The following EPB41L4B variants were observed in gnomAD, a reference collection of about 807,000 sequenced individuals.
The protein encoded by EPB41L4B is erythrocyte membrane protein band 4.1 like 4B.
A neutral mutation model predicts 112.5 loss-of-function variants in EPB41L4B; 30 were observed. That is an observed-to-expected ratio of 0.27 (90% CI 0.20 to 0.36). EPB41L4B has a LOEUF of 0.36. Among genes scored for constraint, EPB41L4B ranks in the 10% least tolerant of loss-of-function variants. The pLI is 1.00. For synonymous variants in EPB41L4B, 408 were observed against 439.7 expected (o/e 0.93, Z 0.90); for missense variants, 1,024 against 1,133.3 (o/e 0.90, Z 1.38).
chr9:109,293,975 A>C (rs186560865), intron 1 of EPB41L4B, among the ~76,000 whole-genome samples: 2 of 152,242 alleles, frequency 1.3e-5, no homozygotes, highest in African/African-American at 4.8e-5. Flanking sequence ...AGATAATTGC[A>C]CTAAACCCAT....
At chr9:109,311,444 G>A (rs1476491558) in intron 1 of EPB41L4B, among the ~76,000 whole-genome samples, 2 of 152,104 alleles carry the variant, frequency 1.3e-5, no homozygotes. Flanking sequence ...ACAGCTGCAG[G>A]GTAGACCATT....
intron 25 of EPB41L4B, among the ~76,000 whole-genome samples, chr9:109,174,968 G>A (rs922097401): frequency 4.4e-5 from 6 of 136,128 alleles, no homozygotes; most frequent in Non-Finnish European, 6.1e-5. Flanking sequence ...CCAGGCTGGA[G>A]TACAGTGGCG....
chr9:109,287,691 T>G lies in EPB41L4B; in HGVS notation c.307-7770A>C, dbSNP rs374320348. 5.3e-4 allele frequency among the ~76,000 whole-genome samples: 81 copies of G among 152,248 alleles called. 3 individuals are homozygous for G. In the South Asian group the frequency reaches 0.016, roughly 30 times the overall value. Reference sequence around the variant, plus strand: ...TACTGTTACCCCGGGTGGATTACAGTGGTGTCATCATGGCTAACACCAGCC... The same window carrying G: ...TACTGTTACCCCGGGTGGATTACAGGGGTGTCATCATGGCTAACACCAGCC... On this transcript the variant is annotated intron_variant, in intron 1 of 25. Coordinates refer to ENST00000374566, the MANE Select transcript of EPB41L4B (RefSeq NM_019114.5).
intron 1 of EPB41L4B, among the ~76,000 whole-genome samples, chr9:109,304,403 C>G (rs1008592416): frequency 6.6e-6 from 1 of 152,152 alleles, no homozygotes; most frequent in African/African-American, 2.4e-5. Context: ...GAGCTTTAAG[C>G]GCACAATCAA....
intron 1 of EPB41L4B, among the ~76,000 whole-genome samples, chr9:109,316,465 A>G (rs1265026078): frequency 6.6e-6 from 1 of 152,244 alleles, no homozygotes; most frequent in African/African-American, 2.4e-5. Context: ...TGCCAAGCAC[A>G]CTAATGGGAT....
intron 12 of EPB41L4B, among the ~76,000 whole-genome samples, chr9:109,251,932 G>C (rs1319549844): frequency 6.6e-6 from 1 of 152,266 alleles, no homozygotes; most frequent in Non-Finnish European, 1.5e-5. Flanking sequence ...AGAGCCCTGG[G>C]AATGAGGTAC....
intron 19 of EPB41L4B, among the ~76,000 whole-genome samples, chr9:109,202,688 G>T (rs969683058): frequency 6.6e-6 from 1 of 152,168 alleles, no homozygotes; most frequent in African/African-American, 2.4e-5. Flanking sequence ...GGTGGTGGTG[G>T]CCTGGAAGCT....
chr9:109,306,162 CA>C (rs1241749048), intron 1 of EPB41L4B, among the ~76,000 whole-genome samples: 1 of 152,092 alleles, frequency 6.6e-6, no homozygotes, highest in East Asian at 1.9e-4. Context: ...TTAGAACACC[CA>C]AAATTCTCTC....
intron 1 of EPB41L4B, among the ~76,000 whole-genome samples, chr9:109,305,082 T>C (rs370047242): frequency 1.3e-5 from 2 of 152,114 alleles, no homozygotes; most frequent in South Asian, 4.2e-4. Context: ...ATGCCATCTA[T>C]TGCTTGAATT....
chr9:109,176,463 T>C, intron 25 of EPB41L4B, 88 bp downstream of exon 25: 6 of 1,401,828 alleles, frequency 4.3e-6, no homozygotes, highest in Non-Finnish European at 5.8e-6. Context: ...AGGAAAGGCC[T>C]GTACGTGTCA....
intron 13 of EPB41L4B, among the ~76,000 whole-genome samples, chr9:109,248,747 T>C (rs1483948488): frequency 6.6e-6 from 1 of 151,994 alleles, no homozygotes; most frequent in Non-Finnish European, 1.5e-5. Flanking sequence ...GCTTGGCTGA[T>C]GAGATCTTAA....
chr9:109,285,194 A>G (rs931783476), intron 1 of EPB41L4B, among the ~76,000 whole-genome samples: 3 of 152,230 alleles, frequency 2.0e-5, no homozygotes, highest in Non-Finnish European at 4.4e-5. Context: ...ATCCCATCAC[A>G]CAGAGTATTA....
chr9:109,212,636 A>G (rs916319353), intron 17 of EPB41L4B, among the ~76,000 whole-genome samples: 5 of 152,194 alleles, frequency 3.3e-5, no homozygotes, highest in Non-Finnish European at 7.3e-5. Flanking sequence ...AGTTCTTCCA[A>G]ATTCTTCCTA....
intron 2 of EPB41L4B, among the ~76,000 whole-genome samples, chr9:109,276,369 C>G (rs560377354): frequency 6.6e-6 from 1 of 151,976 alleles, no homozygotes; most frequent in South Asian, 2.1e-4. Context: ...AGGTGAGAAA[C>G]AGCAGAAGGA....
intron 1 of EPB41L4B, among the ~76,000 whole-genome samples, chr9:109,306,611 C>T (rs112600120): frequency 6.0e-4 from 1 of 1,672 alleles, no homozygotes. Flanking sequence ...AGCAAAAAAA[C>T]AAACAAACAA....
At chr9:109,203,589 G>T (rs537360637) in intron 19 of EPB41L4B, 74 bp downstream of exon 19, 24 of 1,223,280 alleles carry the variant, frequency 2.0e-5, no homozygotes, top group Non-Finnish European at 2.9e-5. Context: ...TAATGCCCTC[G>T]TGAGCAATGT....
chr9:109,272,668 C>T (rs1358016130), intron 2 of EPB41L4B, among the ~76,000 whole-genome samples: 1 of 150,520 alleles, frequency 6.6e-6, no homozygotes, highest in East Asian at 2.0e-4. Context: ...CAGAAGAGTC[C>T]CTTGAACCAG....
At chr9:109,205,661 A>G (rs888268382) in intron 18 of EPB41L4B, among the ~76,000 whole-genome samples, 3 of 152,222 alleles carry the variant, frequency 2.0e-5, no homozygotes, top group Non-Finnish European at 2.9e-5. Context: ...TCTGTAAGCA[A>G]TCAGTGCCCC....
rs1831690069 is a variant in EPB41L4B at position 109,173,176 on chromosome 9, C to T, written c.*1378G>A. ...CAATACTGGCAGAGCTATTGGTAAA[C>T]AGAAATGCTTATACATTGCTGGTGG... On this transcript the variant is annotated 3_prime_UTR_variant, in exon 26 of 26. Coordinates refer to ENST00000374566, the MANE Select transcript of EPB41L4B (RefSeq NM_019114.5). 6.6e-6 allele frequency: 1 copy of T among 152,556 alleles called. No individual in the cohort carries two copies. Among genetic ancestry groups the T allele is most frequent in the African/African-American group, 2.4e-5 (1 of 41,420 alleles). 9.5% of individuals were successfully genotyped at this position (152,556 alleles called of 1,614,324 possible). A position where few individuals can be genotyped will look rare whatever the true frequency, so the allele number is the denominator to read the frequency against.
Sources: gnomAD v4.1 joint callset for allele counts (sites outside exome capture counted in the v4.1 genomes callset) on GRCh38, gnomAD v4.1.1 for gene constraint, MANE v1.5 for transcripts, NCBI Gene and HGNC (gene_info 2026-07-23, HGNC 2026-07-21) for gene names.